Variants in ATF7 observed in about 807,000 individuals in gnomAD.
ATF7 encodes the protein cyclic AMP-dependent transcription factor ATF-7.
A neutral mutation model predicts 50.4 loss-of-function variants in ATF7; 10 were observed. That is an observed-to-expected ratio of 0.20 (90% CI 0.12 to 0.34). The LOEUF is 0.34. Ranked by LOEUF, ATF7 falls within the 10% of genes least tolerant of loss-of-function variation. The pLI, the probability that ATF7 is intolerant of heterozygous loss-of-function variation, is 1.00. For synonymous variants in ATF7, 201 were observed against 226.4 expected (o/e 0.89, Z 1.01); for missense variants, 465 against 613.9 (o/e 0.76, Z 2.56).
At chr12:53,532,484 A>G (rs1938961485) in intron 8 of ATF7, 26 bp downstream of exon 8, 2 of 1,525,976 alleles carry the variant, frequency 1.3e-6, no homozygotes, top group South Asian at 2.4e-5. Context: ...AAAGGCCAAC[A>G]TTGCCCCAGA....
intron 2 of ATF7, among the ~76,000 whole-genome samples, chr12:53,599,190 T>C (rs1465645731): frequency 2.6e-5 from 4 of 151,962 alleles, no homozygotes; most frequent in Admixed American, 6.6e-5. Context: ...TGTGCCACCA[T>C]GCCTGGCTAA....
At chr12:53,566,480 G>A (rs145365323) in intron 2 of ATF7, among the ~76,000 whole-genome samples, 233 of 152,264 alleles carry the variant, frequency 1.5e-3, no homozygotes, top group Middle Eastern at 0.014. Context: ...GAAATCCACC[G>A]TGGTGGGGGT....
chr12:53,536,280 T>C (rs1267108132), intron 5 of ATF7, among the ~76,000 whole-genome samples: 2 of 141,988 alleles, frequency 1.4e-5, no homozygotes, highest in Non-Finnish European at 3.1e-5. Context: ...ATTAGTTCAC[T>C]TTTTTTTTTT....
chr12:53,556,109 C>T (rs981180950), intron 2 of ATF7, among the ~76,000 whole-genome samples: 4 of 152,176 alleles, frequency 2.6e-5, no homozygotes, highest in Non-Finnish European at 4.4e-5. Flanking sequence ...AGCCACTGCA[C>T]CCAGCCAAAA....
At chr12:53,625,345 C>T (rs146746233) in intron 1 of ATF7, among the ~76,000 whole-genome samples, 4 of 152,248 alleles carry the variant, frequency 2.6e-5, no homozygotes, top group Admixed American at 2.6e-4. Flanking sequence ...TCTCAACCCC[C>T]ATCCCAGCAT....
At position 53,615,703 on chromosome 12, in the gene ATF7, C is replaced by A. The variant is rs562527178; in HGVS notation, c.-22+10576G>T. ...CCTGGGCAAGAGAGCAAAATCCTTT[C>A]TCTGCAAAATAATTAAAGATTGGCT... On this transcript the variant is annotated intron_variant, in intron 1 of 11. Transcript: ENST00000420353. Among the ~76,000 whole-genome samples, 7 of 152,148 alleles carry A rather than the reference C, an allele frequency of 4.6e-5. 1 individual carries two copies. In the South Asian group the frequency reaches 1.5e-3, roughly 32 times the overall value.
intron 3 of ATF7, among the ~76,000 whole-genome samples, chr12:53,551,866 T>C (rs1456645255): frequency 2.6e-5 from 4 of 152,232 alleles, no homozygotes; most frequent in African/African-American, 9.6e-5. Flanking sequence ...CTTTGGTTTG[T>C]ATGTCTGCCT....
At chr12:53,542,130 A>G (rs1592827105) in intron 4 of ATF7, among the ~76,000 whole-genome samples, 8 of 60,980 alleles carry the variant, frequency 1.3e-4, no homozygotes, top group Middle Eastern at 7.8e-3. Context: ...TTTTTTTAAG[A>G]GATAGGGTCT....
Position 53,515,282 on chromosome 12 carries a change from C to T in ATF7, c.*1855G>A, listed in dbSNP as rs117188983. On this transcript the variant is annotated 3_prime_UTR_variant, in exon 12 of 12. Transcript: ENST00000420353. ...AGGACAGGATATCACTTTAAGGAAA[C>T]GGGAATCTTGTAGCTTAGAACATTT... The T allele has an allele frequency of 1.3e-5, 2 of 152,276 alleles. No individual in the cohort carries two copies. Among genetic ancestry groups the T allele is most frequent in the East Asian group, 1.9e-4 (1 of 5,188 alleles). The allele number at this position is 152,276 out of a possible 1,614,324, so 9.4% of individuals were successfully genotyped here.
chr12:53,549,575 G>C (rs117194887), intron 3 of ATF7, among the ~76,000 whole-genome samples: 6,460 of 151,826 alleles, frequency 0.043, 381 homozygotes, highest in African/African-American at 0.13. Context: ...GGCTAATTTT[G>C]TATTTTTTTT....
chr12:53,516,979 C>T lies in ATF7; in HGVS notation c.*158G>A. On this transcript the variant is annotated 3_prime_UTR_variant, in exon 12 of 12. Transcript: ENST00000420353. The stretch of plus-strand genomic sequence containing the variant: ...CACAGGTGTCAAACGTACATGACCA[C>T]ATGGCTAAAAAGCCCCATATCTGTC... 1 of 815,442 alleles carries T rather than the reference C, an allele frequency of 1.2e-6. No homozygotes were observed. Among genetic ancestry groups the T allele is most frequent in the East Asian group, 2.7e-5 (1 of 37,312 alleles). The allele number at this position is 815,442 out of a possible 1,614,324, so 50.5% of individuals were successfully genotyped here.
At chr12:53,600,859 G>T in intron 2 of ATF7, 94 bp downstream of exon 2, 1 of 1,276,654 alleles carries the variant, frequency 7.8e-7, no homozygotes, top group Non-Finnish European at 1.1e-6. Flanking sequence ...CAGTGATCAC[G>T]TAAAATACTG....
Position 53,578,042 on chromosome 12 carries a change from C to A in ATF7, c.48+22911G>T, listed in dbSNP as rs559029706. Among the ~76,000 whole-genome samples the A allele has an allele frequency of 4.6e-5, 7 of 152,156 alleles. No homozygotes were observed. The South Asian group carries it at 1.5e-3, about 32-fold the overall frequency. On this transcript the variant is annotated intron_variant, in intron 2 of 11. Coordinates refer to ENST00000420353, the MANE Select transcript of ATF7 (RefSeq NM_006856.3). Reference sequence around the variant, plus strand: ...AAACCATGCAAGCAGAGAGTACAGTCAAAGAGAGAAAACCCTATCAGCCTA... The same window carrying A: ...AAACCATGCAAGCAGAGAGTACAGTAAAAGAGAGAAAACCCTATCAGCCTA...
chr12:53,532,673 T>C (rs1201873388), intron 7 of ATF7, 50 bp from the exon 8 acceptor site: 6 of 1,326,864 alleles, frequency 4.5e-6, no homozygotes, highest in Non-Finnish European at 6.3e-6. Flanking sequence ...CATAATACCA[T>C]CGGTGGGGCA....
At chr12:53,597,808 CAA>C (rs370329144) in intron 2 of ATF7, among the ~76,000 whole-genome samples, 21 of 80,764 alleles carry the variant, frequency 2.6e-4, no homozygotes, top group Non-Finnish European at 1.6e-4. Context: ...AACTCTGTCT[CAA>C]AAAAAAAAAA....
intron 3 of ATF7, among the ~76,000 whole-genome samples, chr12:53,551,337 T>C (rs900877696): frequency 1.3e-5 from 2 of 152,186 alleles, no homozygotes; most frequent in Non-Finnish European, 2.9e-5. Flanking sequence ...TTTTTAAACA[T>C]TTTTTGTAGA....
In ATF7 at chr12:53,524,792, G is replaced by C. The variant is rs1592781676; in HGVS notation, c.928-31C>G. On this transcript the variant is annotated intron_variant, in intron 9 of 11. Transcript: ENST00000420353. The surrounding 1 kb of genome is among the most constrained non-coding windows in gnomAD (Gnocchi z 4.6). ...GCCCAGGAAGGAAGAGAGGTTACTT[G>C]ATGGGAACATTAATCCTTTCCAAAT... The C allele has an allele frequency of 5.9e-6, 9 of 1,529,980 alleles. No homozygotes were observed. In the South Asian group the frequency reaches 9.6e-5, roughly 16 times the overall value. 94.8% of individuals were successfully genotyped at this position (1,529,980 alleles called of 1,614,324 possible).
chr12:53,561,113 TTTG>T (rs911283108), intron 2 of ATF7, among the ~76,000 whole-genome samples: 1 of 151,886 alleles, frequency 6.6e-6, no homozygotes, highest in Non-Finnish European at 1.5e-5. Flanking sequence ...GGGCTATTGT[TTTG>T]TTTACTTTAG....
At chr12:53,580,611 C>T (rs1453919776) in intron 2 of ATF7, among the ~76,000 whole-genome samples, 2 of 133,274 alleles carry the variant, frequency 1.5e-5, no homozygotes, top group Non-Finnish European at 3.1e-5. Context: ...TTGCAGTGAG[C>T]GGAGATCACG....
Sources: gnomAD v4.1 joint callset for allele counts (sites outside exome capture counted in the v4.1 genomes callset) on GRCh38, gnomAD v4.1.1 for gene constraint, Gnocchi (gnomAD v3.1) non-coding constraint, MANE v1.5 for transcripts, NCBI Gene and HGNC (gene_info 2026-07-23, HGNC 2026-07-21) for gene names.